Variants in SERINC5 observed in about 807,000 individuals in gnomAD.
SERINC5 encodes chromosome 5 open reading frame 12.
SERINC5 carries 41 observed loss-of-function variants against 63.1 expected under a neutral mutation model. The ratio of observed to expected loss-of-function variants is 0.65; its 90% confidence interval spans 0.51 to 0.84. The LOEUF is 0.84. Among genes scored for constraint, SERINC5 ranks in the 40% least tolerant of loss-of-function variants. SERINC5 has a pLI of 0.00. For synonymous variants in SERINC5, 222 were observed against 215.2 expected (o/e 1.03, Z -0.28); for missense variants, 523 against 573.0 (o/e 0.91, Z 0.89).
chr5:80,186,659 G>A (rs1337457769), intron 2 of SERINC5, among the ~76,000 whole-genome samples: 1 of 152,192 alleles, frequency 6.6e-6, no homozygotes, highest in Non-Finnish European at 1.5e-5. Context: ...CAGGAGAGAT[G>A]CTAGCTATGT....
At chr5:80,161,773 T>G (rs1161876109) in intron 7 of SERINC5, among the ~76,000 whole-genome samples, 1 of 152,232 alleles carries the variant, frequency 6.6e-6, no homozygotes, top group Non-Finnish European at 1.5e-5. Context: ...CATGAATTAT[T>G]TCCCTTGAGC....
chr5:80,128,245 C>G (rs904907795), intron 11 of SERINC5: 1 of 152,112 alleles, frequency 6.6e-6, no homozygotes, highest in Non-Finnish European at 1.5e-5. Flanking sequence ...TATTTCCTGC[C>G]GTAAAACATG....
At chr5:80,191,489 A>G (rs932063521) in intron 2 of SERINC5, among the ~76,000 whole-genome samples, 22 of 102,456 alleles carry the variant, frequency 2.1e-4, no homozygotes, top group African/African-American at 7.3e-4. Flanking sequence ...CAAAAAAAAA[A>G]AAAAAAGAAA....
In SERINC5 at chr5:80,170,714, T is replaced by C. The variant is rs112777046; in HGVS notation, c.552-1168A>G. 1.3e-4 allele frequency among the ~76,000 whole-genome samples: 20 copies of C among 152,300 alleles called. 2 individuals carry two copies. Among genetic ancestry groups the C allele is most frequent in the African/African-American group, 3.1e-4 (13 of 41,564 alleles). On this transcript the variant is annotated intron_variant, in intron 5 of 11. Coordinates refer to ENST00000507668, the MANE Select transcript of SERINC5 (RefSeq NM_001174072.3). ...ATAAACACAGAGCCCCGAAGCGCCA[T>C]AGTCTCTACTCCAAAGTGCTGCCAG...
At chr5:80,249,244 G>C (rs1392136169) in intron 1 of SERINC5, among the ~76,000 whole-genome samples, 1 of 152,040 alleles carries the variant, frequency 6.6e-6, no homozygotes, top group Non-Finnish European at 1.5e-5. Flanking sequence ...GAACCTGGGA[G>C]GCGGAGCTTG....
chr5:80,135,563 G>A (rs1015965910), downstream of SERINC5, among the ~76,000 whole-genome samples: 9 of 152,156 alleles, frequency 5.9e-5, no homozygotes, highest in Non-Finnish European at 1.2e-4. Context: ...ATGAGTGTAT[G>A]AAATCTGAAT....
chr5:80,211,782 C>T (rs187394401), intron 1 of SERINC5, among the ~76,000 whole-genome samples: 7 of 152,314 alleles, frequency 4.6e-5, no homozygotes, highest in South Asian at 2.1e-4. Context: ...AGCTCACACA[C>T]GGCAGTGTGA....
chr5:80,196,247 C>T (rs1749489830), intron 2 of SERINC5, among the ~76,000 whole-genome samples: 1 of 151,970 alleles, frequency 6.6e-6, no homozygotes, highest in Admixed American at 6.6e-5. Context: ...CAAGCTGCCC[C>T]AGGGGAAAGC....
At chr5:80,188,024 C>T (rs1748934364) in intron 2 of SERINC5, among the ~76,000 whole-genome samples, 1 of 152,166 alleles carries the variant, frequency 6.6e-6, no homozygotes, top group Non-Finnish European at 1.5e-5. Context: ...GTGGCTCACG[C>T]CCATAATCCT....
chr5:80,226,244 A>G (rs1205708016), intron 1 of SERINC5, among the ~76,000 whole-genome samples: 1 of 152,150 alleles, frequency 6.6e-6, no homozygotes, highest in African/African-American at 2.4e-5. Context: ...TTTTTAGTAG[A>G]GACGGGGTTT....
chr5:80,189,092 G>C lies in SERINC5; in HGVS notation c.196-11028C>G, dbSNP rs138506344. Among the ~76,000 whole-genome samples, 27 of 152,240 alleles carry C rather than the reference G, an allele frequency of 1.8e-4. No individual in the cohort carries two copies. In the East Asian group the frequency reaches 5.2e-3, roughly 29 times the overall value. ...GTGTATCTCTCTGTTCACATGTAAA[G>C]TGTTGAGAAGGACAGAAGCTAAAGT... On this transcript the variant is annotated intron_variant, in intron 2 of 11. Transcript: ENST00000507668.
intron 7 of SERINC5, among the ~76,000 whole-genome samples, chr5:80,164,824 TGTGTATGCTGTG>T (rs1427129313): frequency 6.6e-6 from 1 of 152,034 alleles, no homozygotes; most frequent in African/African-American, 2.4e-5. Flanking sequence ...TAAACTTCCC[TGTGTATGCTGTG>T]GTTTCAAGAA....
rs1473856812 is a variant in SERINC5, at chr5:80,142,702, A to G, written c.*961T>C. Reference sequence around the variant, plus strand: ...TTTCAAAGGCCTCAAGGTGGAGAAAAAACTGAGGGGCTGACCTCAACAACT... The same window carrying G: ...TTTCAAAGGCCTCAAGGTGGAGAAAGAACTGAGGGGCTGACCTCAACAACT... On this transcript the variant is annotated 3_prime_UTR_variant, in exon 12 of 12. Coordinates refer to ENST00000507668, the MANE Select transcript of SERINC5 (RefSeq NM_001174072.3). The G allele has an allele frequency of 1.0e-6, 1 of 985,330 alleles. No individual in the cohort carries two copies. The highest frequency in any genetic ancestry group is 1.7e-5 in the African/African-American group (1 of 57,226). 61.0% of individuals were successfully genotyped at this position (985,330 alleles called of 1,614,324 possible).
chr5:80,125,177 T>G (rs1406996427), intron 11 of SERINC5, among the ~76,000 whole-genome samples: 2 of 152,188 alleles, frequency 1.3e-5, no homozygotes, highest in East Asian at 3.9e-4. Context: ...AACCTTATGC[T>G]AGGTGCTAGG....
chr5:80,133,385 T>C (rs986627875), intron 11 of SERINC5, among the ~76,000 whole-genome samples: 3 of 152,220 alleles, frequency 2.0e-5, no homozygotes, highest in African/African-American at 7.2e-5. Flanking sequence ...AGTTACATAC[T>C]GGCAGCTCAA....
intron 11 of SERINC5, among the ~76,000 whole-genome samples, chr5:80,144,260 TG>T (rs1745684439): frequency 6.6e-6 from 1 of 152,228 alleles, no homozygotes; most frequent in African/African-American, 2.4e-5. Context: ...CACCAGCTGA[TG>T]GTCATTTGGG....
At chr5:80,215,260 A>C (rs1425231303) in intron 1 of SERINC5, among the ~76,000 whole-genome samples, 1 of 152,038 alleles carries the variant, frequency 6.6e-6, no homozygotes, top group Non-Finnish European at 1.5e-5. Context: ...GAAGTGTGGG[A>C]TATCTCCCAC....
intron 1 of SERINC5, chr5:80,254,989 T>C (rs1309304470): frequency 6.6e-6 from 1 of 152,234 alleles, no homozygotes; most frequent in Non-Finnish European, 1.5e-5. Flanking sequence ...AGAGTCTGAT[T>C]CGTTCGTGAA....
intron 5 of SERINC5, among the ~76,000 whole-genome samples, chr5:80,169,943 G>A (rs534377639): frequency 6.6e-6 from 1 of 152,294 alleles, no homozygotes; most frequent in Non-Finnish European, 1.5e-5. Flanking sequence ...ATCTTCTGTG[G>A]CTGGTGCTCC....
Sources: gnomAD v4.1 joint callset for allele counts (sites outside exome capture counted in the v4.1 genomes callset) on GRCh38, gnomAD v4.1.1 for gene constraint, MANE v1.5 for transcripts, NCBI Gene and HGNC (gene_info 2026-07-23, HGNC 2026-07-21) for gene names.